Variants in MAN1A2 observed in about 807,000 individuals in gnomAD.
MAN1A2 encodes the protein mannosidase alpha class 1A member 2, also known as mannosyl-oligosaccharide 1,2-alpha-mannosidase IB.
A neutral mutation model predicts 75.7 loss-of-function variants in MAN1A2; 26 were observed. The observed-to-expected ratio is 0.34, with a 90% CI of 0.25 to 0.48. The LOEUF is 0.48. Among genes scored for constraint, MAN1A2 ranks in the 20% least tolerant of loss-of-function variants. The pLI, the probability that MAN1A2 is intolerant of heterozygous loss-of-function variation, is 0.99. For synonymous variants in MAN1A2, 247 were observed against 264.6 expected, an observed-to-expected ratio of 0.93 and a Z score of 0.65; for missense variants, 562 against 775.5, an observed-to-expected ratio of 0.72 and a Z score of 3.27.
At position 117,367,560 on chromosome 1, in the gene MAN1A2, G is replaced by A. The variant is rs1490545147; in HGVS notation, c.-624G>A. 1 of 152,390 alleles carries A rather than the reference G, an allele frequency of 6.6e-6. No homozygotes were observed. The highest frequency in any genetic ancestry group is 1.5e-5 in the Non-Finnish European group (1 of 68,192). The allele number at this position is 152,390 out of a possible 1,614,324, so 9.4% of individuals were successfully genotyped here. ...GTCGAGTGGGCAGCAGCGGGACTCAGCCGGGCGCCAGGTTCCTGCCAGGCA... is the reference window on the plus strand; with the variant it reads ...GTCGAGTGGGCAGCAGCGGGACTCAACCGGGCGCCAGGTTCCTGCCAGGCA... On this transcript the variant is annotated 5_prime_UTR_variant, in exon 1 of 13. Coordinates refer to ENST00000356554, the MANE Select transcript of MAN1A2 (RefSeq NM_006699.5).
At chr1:117,450,420 A>T (rs1649371317) in intron 6 of MAN1A2, among the ~76,000 whole-genome samples, 1 of 152,166 alleles carries the variant, frequency 6.6e-6, no homozygotes, top group Non-Finnish European at 1.5e-5. Flanking sequence ...AGTTCAGAAA[A>T]TTTGCAGCCT....
intron 5 of MAN1A2, among the ~76,000 whole-genome samples, chr1:117,426,106 C>T (rs1445648376): frequency 6.6e-6 from 1 of 152,050 alleles, no homozygotes. Context: ...TATAGGTTTA[C>T]AGTTTTTCCT....
intron 1 of MAN1A2, among the ~76,000 whole-genome samples, chr1:117,369,053 G>A (rs563601848): frequency 1.3e-5 from 2 of 152,056 alleles, no homozygotes; most frequent in Non-Finnish European, 2.9e-5. Flanking sequence ...CTTTTTTTGG[G>A]GATGTGTGTT....
At chr1:117,520,951 T>G (rs780952550) in intron 12 of MAN1A2, among the ~76,000 whole-genome samples, 8 of 152,030 alleles carry the variant, frequency 5.3e-5, no homozygotes, top group Non-Finnish European at 1.2e-4. Flanking sequence ...AACAGCATGA[T>G]ACTTGTATAA....
chr1:117,484,142 C>T (rs1650589758), intron 8 of MAN1A2, among the ~76,000 whole-genome samples: 1 of 151,790 alleles, frequency 6.6e-6, no homozygotes, highest in Non-Finnish European at 1.5e-5. Flanking sequence ...TTACCAATAA[C>T]ATAGTGCATA....
At chr1:117,421,790 A>T (rs1365083918) in intron 5 of MAN1A2, among the ~76,000 whole-genome samples, 1 of 152,142 alleles carries the variant, frequency 6.6e-6, no homozygotes, top group Non-Finnish European at 1.5e-5. Flanking sequence ...TTAATAAAAT[A>T]GAAAAAAATG....
chr1:117,383,913 C>G (rs1570698653), intron 1 of MAN1A2, among the ~76,000 whole-genome samples: 1 of 152,070 alleles, frequency 6.6e-6, no homozygotes, highest in Non-Finnish European at 1.5e-5. Flanking sequence ...ACACATCAAA[C>G]AAACCAGGCC....
intron 9 of MAN1A2, among the ~76,000 whole-genome samples, chr1:117,495,687 AACATATGGAT>A (rs1160848781): frequency 5.3e-5 from 8 of 151,830 alleles, no homozygotes; most frequent in African/African-American, 1.9e-4. Context: ...AGAAATGACA[AACATATGGAT>A]ACCATCTTTA....
intron 4 of MAN1A2, among the ~76,000 whole-genome samples, chr1:117,418,495 T>A (rs1342342135): frequency 2.0e-5 from 3 of 152,186 alleles, no homozygotes; most frequent in Non-Finnish European, 4.4e-5. Flanking sequence ...TACAGTTCCC[T>A]TGTCTTTCCT....
At chr1:117,449,672 G>A (rs1649344924) in intron 6 of MAN1A2, among the ~76,000 whole-genome samples, 1 of 152,170 alleles carries the variant, frequency 6.6e-6, no homozygotes, top group Admixed American at 6.5e-5. Context: ...AGTTGTGAAT[G>A]CAAAGGAAGA....
chr1:117,381,264 C>T (rs1653324802), intron 1 of MAN1A2, among the ~76,000 whole-genome samples: 1 of 151,928 alleles, frequency 6.6e-6, no homozygotes, highest in African/African-American at 2.4e-5. Context: ...TATACATGTG[C>T]CATGCTGGTG....
intron 8 of MAN1A2, among the ~76,000 whole-genome samples, chr1:117,467,754 A>G (rs1261694780): frequency 6.6e-6 from 1 of 152,112 alleles, no homozygotes; most frequent in African/African-American, 2.4e-5. Context: ...AATTCTATCA[A>G]TCATAAATCT....
intron 3 of MAN1A2, among the ~76,000 whole-genome samples, chr1:117,413,873 T>A (rs1647901086): frequency 1.3e-5 from 2 of 152,118 alleles, no homozygotes; most frequent in South Asian, 4.1e-4. Context: ...ACTAGATTTT[T>A]TACTCTACTA....
chr1:117,497,781 G>C (rs1027688731), intron 10 of MAN1A2, among the ~76,000 whole-genome samples: 6 of 151,758 alleles, frequency 4.0e-5, no homozygotes, highest in African/African-American at 9.7e-5. Flanking sequence ...GACCTTCCAA[G>C]GTTTTCTCTG....
intron 3 of MAN1A2, among the ~76,000 whole-genome samples, chr1:117,408,847 T>A (rs1475889651): frequency 6.6e-6 from 1 of 152,142 alleles, no homozygotes; most frequent in Non-Finnish European, 1.5e-5. Context: ...GTTTATCTGT[T>A]TCATTTTGGT....
chr1:117,457,394 G>A (rs538783609), intron 6 of MAN1A2, among the ~76,000 whole-genome samples: 48 of 150,534 alleles, frequency 3.2e-4, no homozygotes, highest in Non-Finnish European at 5.5e-4. Context: ...ATGATGATCC[G>A]GTTATTTTTT....
intron 12 of MAN1A2, among the ~76,000 whole-genome samples, chr1:117,518,984 C>T (rs530411034): frequency 6.6e-6 from 1 of 151,926 alleles, no homozygotes; most frequent in East Asian, 1.9e-4. Flanking sequence ...TCTGTCAAGC[C>T]CTCTCTCAGA....
At chr1:117,433,573 A>G (rs1011435663) in intron 5 of MAN1A2, among the ~76,000 whole-genome samples, 1 of 152,226 alleles carries the variant, frequency 6.6e-6, no homozygotes. Context: ...TACCTTGTTC[A>G]TATTCACTTA....
At chr1:117,376,701 T>G (rs1653155973) in intron 1 of MAN1A2, among the ~76,000 whole-genome samples, 1 of 152,236 alleles carries the variant, frequency 6.6e-6, no homozygotes, top group Admixed American at 6.5e-5. Context: ...TACCTTTGTA[T>G]GTACAGTTGG....
Sources: allele counts gnomAD v4.1 joint callset (sites outside exome capture counted in the v4.1 genomes callset), GRCh38; gene constraint gnomAD v4.1.1; transcripts MANE v1.5; gene names NCBI Gene and HGNC (gene_info 2026-07-23, HGNC 2026-07-21).